RNF121: variants seen among roughly 807,000 people sequenced by gnomAD.
RNF121 encodes ring finger protein 121, also known as E3 ubiquitin ligase RNF121.
RNF121 carries 21 observed loss-of-function variants against 46.5 expected under a neutral mutation model. The observed-to-expected ratio is 0.45, with a 90% CI of 0.32 to 0.65. The LOEUF (loss-of-function observed/expected upper bound fraction) is 0.65. Ranked by LOEUF, RNF121 falls within the 30% of genes least tolerant of loss-of-function variation. The pLI is 0.04. For missense variants in RNF121, 346 were observed against 416.0 expected, an observed-to-expected ratio of 0.83 and a Z score of 1.46; for synonymous variants, 139 against 144.7, an observed-to-expected ratio of 0.96 and a Z score of 0.28.
At chr11:71,964,318 A>G (rs1234705217) in intron 3 of RNF121, among the ~76,000 whole-genome samples, 3 of 152,176 alleles carry the variant, frequency 2.0e-5, no homozygotes, top group Non-Finnish European at 1.5e-5. Flanking sequence ...ATTCATTGCT[A>G]ATATATAGAA....
At chr11:71,985,564 C>T (rs1333430015) in intron 4 of RNF121, among the ~76,000 whole-genome samples, 1 of 152,126 alleles carries the variant, frequency 6.6e-6, no homozygotes, top group East Asian at 1.9e-4. Context: ...GGGACCTTTC[C>T]CTAGCCTGAG....
In RNF121 at chr11:71,996,455, ACT is replaced by A; in HGVS notation, c.*141_*142del. The A allele has an allele frequency of 1.0e-6, 1 of 970,474 alleles. No homozygotes were observed. The highest frequency in any genetic ancestry group is 1.5e-6 in the Non-Finnish European group (1 of 670,784). 60.1% of individuals were successfully genotyped at this position (970,474 alleles called of 1,614,324 possible). A position where few individuals can be genotyped will look rare whatever the true frequency, so the allele number is the denominator to read the frequency against. On this transcript the variant is annotated 3_prime_UTR_variant, in exon 9 of 9. Transcript: ENST00000361756. ...CTCAGGACCCCTCTGGCTGTGTCGG[ACT>A]GGGGAGGGATATGATGGAGAGCCAG...
intron 2 of RNF121, among the ~76,000 whole-genome samples, chr11:71,959,113 C>T (rs1198426269): frequency 1.3e-5 from 2 of 152,154 alleles, no homozygotes; most frequent in East Asian, 3.9e-4. Context: ...TGGCCATGGC[C>T]ATATAGGTGG....
At chr11:71,941,706 C>T (rs1320881165) in intron 1 of RNF121, among the ~76,000 whole-genome samples, 2 of 152,062 alleles carry the variant, frequency 1.3e-5, no homozygotes, top group Non-Finnish European at 2.9e-5. Flanking sequence ...CTAGCAATTT[C>T]GAGATTTGGA....
intron 1 of RNF121, among the ~76,000 whole-genome samples, chr11:71,936,108 G>C (rs1047112980): frequency 6.6e-6 from 1 of 151,996 alleles, no homozygotes; most frequent in Non-Finnish European, 1.5e-5. Flanking sequence ...TGGCCTCCCA[G>C]AGTGCTGGGA....
intron 3 of RNF121, among the ~76,000 whole-genome samples, chr11:71,968,497 C>T (rs1448339825): frequency 6.6e-6 from 1 of 152,144 alleles, no homozygotes; most frequent in African/African-American, 2.4e-5. Context: ...TAGGTAATAG[C>T]CATAGCTACC....
At chr11:71,954,311 A>G (rs545199601) in intron 1 of RNF121, among the ~76,000 whole-genome samples, 1 of 152,268 alleles carries the variant, frequency 6.6e-6, no homozygotes, top group African/African-American at 2.4e-5. Context: ...TTTGGTCAGG[A>G]GGCAAATATT....
chr11:71,972,916 G>A (rs1033348603), intron 3 of RNF121, among the ~76,000 whole-genome samples: 9 of 152,166 alleles, frequency 5.9e-5, no homozygotes, highest in African/African-American at 1.9e-4. Context: ...GCTGGGTGCG[G>A]TGGCTCATGC....
chr11:71,951,638 TA>T (rs780940688), intron 1 of RNF121, among the ~76,000 whole-genome samples: 7,542 of 115,932 alleles, frequency 0.065, 187 homozygotes, highest in Middle Eastern at 0.11. Flanking sequence ...CCCTGTCTCT[TA>T]AAAAAAAAAA....
At chr11:71,932,313 A>G (rs1303875987) in intron 1 of RNF121, among the ~76,000 whole-genome samples, 1 of 152,240 alleles carries the variant, frequency 6.6e-6, no homozygotes, top group African/African-American at 2.4e-5. Context: ...CATTTTATAA[A>G]TGAAACTGAG....
chr11:71,987,142 AGTTTGGGGAGG>A, intron 5 of RNF121, 31 bp downstream of exon 5: 1 of 1,390,572 alleles, frequency 7.2e-7, no homozygotes, highest in Non-Finnish European at 1.0e-6. Flanking sequence ...TTTTTGCTGG[AGTTTGGGGAGG>A]AGTGACTGTT....
At chr11:71,949,715 G>A (rs1590780029) in intron 1 of RNF121, among the ~76,000 whole-genome samples, 1 of 151,566 alleles carries the variant, frequency 6.6e-6, no homozygotes, top group Non-Finnish European at 1.5e-5. Context: ...ACATGCACAC[G>A]GCCGGGCACG....
chr11:71,941,806 G>T (rs1953573992), intron 1 of RNF121, among the ~76,000 whole-genome samples: 1 of 152,176 alleles, frequency 6.6e-6, no homozygotes, highest in Non-Finnish European at 1.5e-5. Context: ...AAGCCAGTGT[G>T]ACAGATCATA....
At chr11:71,960,613 A>C in intron 2 of RNF121, 137 bp from the exon 3 acceptor site, 1 of 975,896 alleles carries the variant, frequency 1.0e-6, no homozygotes, top group Non-Finnish European at 1.5e-6. Context: ...CCTAGCCCCT[A>C]ATTTGTGTGG....
At chr11:71,949,090 G>A (rs1953799727) in intron 1 of RNF121, among the ~76,000 whole-genome samples, 1 of 152,202 alleles carries the variant, frequency 6.6e-6, no homozygotes, top group African/African-American at 2.4e-5. Flanking sequence ...CAAGGGCAAA[G>A]GTTGGGCTTA....
At chr11:71,984,744 AATTTT>A (rs1954735831) in intron 4 of RNF121, among the ~76,000 whole-genome samples, 1 of 81,150 alleles carries the variant, frequency 1.2e-5, no homozygotes, top group Admixed American at 1.4e-4. Flanking sequence ...ACACCCGGCT[AATTTT>A]TTTTTTTTTT....
intron 3 of RNF121, among the ~76,000 whole-genome samples, chr11:71,964,702 C>T (rs1259392092): frequency 1.3e-5 from 2 of 152,148 alleles, no homozygotes; most frequent in Admixed American, 6.5e-5. Context: ...TGGTCTCGCC[C>T]TCCTGAACTC....
intron 1 of RNF121, among the ~76,000 whole-genome samples, chr11:71,942,828 A>G (rs1953616630): frequency 6.6e-6 from 1 of 151,892 alleles, no homozygotes; most frequent in Admixed American, 6.6e-5. Context: ...ACACACATAT[A>G]TATGTATATA....
chr11:71,968,475 C>T (rs183946510), intron 3 of RNF121, among the ~76,000 whole-genome samples: 133 of 152,280 alleles, frequency 8.7e-4, no homozygotes, highest in African/African-American at 2.6e-3. Flanking sequence ...TTCTGCCTGC[C>T]TAGGCATATT....
Sources: gnomAD v4.1 joint callset for allele counts (sites outside exome capture counted in the v4.1 genomes callset) on GRCh38, gnomAD v4.1.1 for gene constraint, MANE v1.5 for transcripts, NCBI Gene and HGNC (gene_info 2026-07-23, HGNC 2026-07-21) for gene names.